Variants in PARD3B observed in about 807,000 individuals in gnomAD.
The protein encoded by PARD3B is partitioning defective 3 homolog B.
PARD3B carries 103 observed loss-of-function variants against 130.2 expected under a neutral mutation model. The observed-to-expected ratio is 0.79, with a 90% confidence interval of 0.67 to 0.93. PARD3B has a LOEUF of 0.93. Among genes scored for constraint, PARD3B ranks in the 40% least tolerant of loss-of-function variants. The pLI is 0.00. For missense variants in PARD3B, 1,609 were observed against 1,499.2 expected (o/e 1.07, Z -1.21); for synonymous variants, 583 against 553.2 (o/e 1.05, Z -0.76).
intron 2 of PARD3B, among the ~76,000 whole-genome samples, chr2:204,871,185 CT>C (rs1419684245): frequency 6.6e-6 from 1 of 152,040 alleles, no homozygotes; most frequent in Non-Finnish European, 1.5e-5. Flanking sequence ...TAGTATTTTA[CT>C]GCATATTTTT....
intron 2 of PARD3B, among the ~76,000 whole-genome samples, chr2:204,818,322 A>G: frequency 6.6e-6 from 1 of 152,370 alleles, no homozygotes; most frequent in East Asian, 1.9e-4. Flanking sequence ...AGGTTATGAG[A>G]ACAAATGAAA....
At chr2:204,595,526 G>A (rs1360973962) in intron 1 of PARD3B, among the ~76,000 whole-genome samples, 4 of 152,316 alleles carry the variant, frequency 2.6e-5, no homozygotes, top group African/African-American at 9.6e-5. Flanking sequence ...GAGGAATGAG[G>A]ACAGCATTGA....
At chr2:205,194,747 A>G (rs1184730788) in intron 15 of PARD3B, among the ~76,000 whole-genome samples, 1 of 152,038 alleles carries the variant, frequency 6.6e-6, no homozygotes, top group Non-Finnish European at 1.5e-5. Context: ...AGACATGTGC[A>G]GAATCAATAT....
At chr2:205,335,766 G>A (rs2043292593) in intron 18 of PARD3B, among the ~76,000 whole-genome samples, 1 of 152,156 alleles carries the variant, frequency 6.6e-6, no homozygotes, top group Admixed American at 6.5e-5. Flanking sequence ...AAAAGAGAGA[G>A]CTTGTGCAGG....
intron 20 of PARD3B, among the ~76,000 whole-genome samples, chr2:205,456,357 A>G (rs1313648043): frequency 1.3e-5 from 2 of 152,036 alleles, no homozygotes; most frequent in Admixed American, 6.6e-5. Flanking sequence ...CATATGTTGT[A>G]TGTCTTCCAT....
chr2:205,059,610 T>C (rs1323687301), intron 4 of PARD3B, among the ~76,000 whole-genome samples: 3 of 147,012 alleles, frequency 2.0e-5, no homozygotes, highest in South Asian at 4.2e-4. Flanking sequence ...CCCCATGTTA[T>C]AGTTTTCTGC....
chr2:205,619,002 CAAGTA>C lies in PARD3B; in HGVS notation c.*3193_*3197del, dbSNP rs2055518905. On this transcript the variant is annotated 3_prime_UTR_variant, in exon 23 of 23. Coordinates refer to ENST00000406610, the MANE Select transcript of PARD3B (RefSeq NM_001302769.2). ...TGTGTTGACTCCCACAGGATGGCAC[CAAGTA>C]AAGATCTTAAGAGCATAGTAGGGGT... 1 of 152,118 alleles carries C rather than the reference CAAGTA, an allele frequency of 6.6e-6. No individual in the cohort carries two copies. The highest frequency in any genetic ancestry group is 1.5e-5 in the Non-Finnish European group (1 of 68,028). 9.4% of individuals were successfully genotyped at this position (152,118 alleles called of 1,614,324 possible).
intron 15 of PARD3B, among the ~76,000 whole-genome samples, chr2:205,203,045 T>C (rs1427323359): frequency 6.6e-6 from 1 of 152,164 alleles, no homozygotes; most frequent in African/African-American, 2.4e-5. Context: ...TGGGGGCATG[T>C]TTAATGGAAT....
rs1408539895 is a variant in PARD3B, at chr2:204,610,857, A to G, written c.120+64738A>G. Among the ~76,000 whole-genome samples, 1 of 152,222 alleles carries G rather than the reference A, an allele frequency of 6.6e-6. No individual in the cohort carries two copies. The highest frequency in any genetic ancestry group is 1.5e-5 in the Non-Finnish European group (1 of 68,044). On this transcript the variant is annotated intron_variant, in intron 1 of 22. Coordinates refer to ENST00000406610, the MANE Select transcript of PARD3B (RefSeq NM_001302769.2). This position sits in a 1 kb window ranked among gnomAD's most constrained non-coding sequence, Gnocchi z 4.1. ...TTATTTACATAACAGTATTTCTAGT[A>G]TATAAAATTCAGTTGATATATGCTT...
chr2:204,578,601 T>C (rs1294826757), intron 1 of PARD3B, among the ~76,000 whole-genome samples: 1 of 152,164 alleles, frequency 6.6e-6, no homozygotes, highest in African/African-American at 2.4e-5. Context: ...AACTAGTTTA[T>C]TATAATGATG....
chr2:205,224,005 A>G (rs562763691), intron 15 of PARD3B, among the ~76,000 whole-genome samples: 1 of 151,572 alleles, frequency 6.6e-6, no homozygotes, highest in South Asian at 2.1e-4. Context: ...TGGAGCTTAC[A>G]GTGAGCCAAG....
At chr2:205,270,699 T>C (rs987865846) in intron 16 of PARD3B, among the ~76,000 whole-genome samples, 3 of 152,072 alleles carry the variant, frequency 2.0e-5, no homozygotes, top group African/African-American at 7.2e-5. Flanking sequence ...AGGAGGGAGA[T>C]TTCAGTGGAT....
At chr2:204,766,991 A>ATTTTATT (rs2041190404) in intron 2 of PARD3B, among the ~76,000 whole-genome samples, 18 of 98,694 alleles carry the variant, frequency 1.8e-4, no homozygotes, top group African/African-American at 5.9e-4. Flanking sequence ...CACATTTTTT[A>ATTTTATT]TTTTATTTTT....
At chr2:205,047,835 G>C in intron 4 of PARD3B, 145 bp downstream of exon 4, 1 of 562,576 alleles carries the variant, frequency 1.8e-6, no homozygotes, top group Non-Finnish European at 3.1e-6. Context: ...CTAATAGCTA[G>C]TATGGGCTAT....
chr2:204,636,226 G>C (rs914336938), intron 1 of PARD3B, among the ~76,000 whole-genome samples: 2 of 152,068 alleles, frequency 1.3e-5, no homozygotes, highest in Admixed American at 1.3e-4. Flanking sequence ...CAGTGTCATG[G>C]TGTACTGTAG....
chr2:204,934,288 G>A (rs1688245080), intron 2 of PARD3B, among the ~76,000 whole-genome samples: 1 of 152,212 alleles, frequency 6.6e-6, no homozygotes, highest in Non-Finnish European at 1.5e-5. Flanking sequence ...TATGTTTAAT[G>A]CAGCATGAGA....
intron 21 of PARD3B, among the ~76,000 whole-genome samples, chr2:205,512,968 T>TATCA (rs1360599924): frequency 6.7e-6 from 1 of 150,038 alleles, no homozygotes; most frequent in Non-Finnish European, 1.5e-5. Flanking sequence ...TTTTTATATC[T>TATCA]ATCATCTACT....
At chr2:205,328,075 C>T (rs978459455) in intron 18 of PARD3B, among the ~76,000 whole-genome samples, 1 of 152,084 alleles carries the variant, frequency 6.6e-6, no homozygotes, top group Admixed American at 6.6e-5. Context: ...AAAGAGATTG[C>T]ATTTCTATTA....
rs950668729 is a variant in PARD3B, at chr2:205,287,118, C to G, written c.2186-13412C>G. 2.6e-5 allele frequency among the ~76,000 whole-genome samples: 4 copies of G among 152,214 alleles called. No individual in the cohort carries two copies. The highest frequency in any genetic ancestry group is 7.2e-5 in the African/African-American group (3 of 41,460). ...ACACACTTCTCACTGGTGTGGTTAGCTCTGTACTCACCATTCCTTCACCAG... is the reference window on the plus strand; with the variant it reads ...ACACACTTCTCACTGGTGTGGTTAGGTCTGTACTCACCATTCCTTCACCAG... On this transcript the variant is annotated intron_variant, in intron 16 of 22. Coordinates refer to ENST00000406610, the MANE Select transcript of PARD3B (RefSeq NM_001302769.2). The surrounding 1 kb of genome is among the most constrained non-coding windows in gnomAD (Gnocchi z 4.8).
Sources: gnomAD v4.1 joint callset for allele counts (sites outside exome capture counted in the v4.1 genomes callset) on GRCh38, gnomAD v4.1.1 for gene constraint, Gnocchi (gnomAD v3.1) non-coding constraint, MANE v1.5 for transcripts, NCBI Gene and HGNC (gene_info 2026-07-23, HGNC 2026-07-21) for gene names.